KTN1: variants seen among roughly 807,000 people sequenced by gnomAD.
KTN1 encodes kinectin 1, also known as kinectin.
In KTN1, 130 loss-of-function variants were observed where a neutral mutation model predicts 222.5. The ratio of observed to expected loss-of-function variants is 0.58; its 90% CI spans 0.51 to 0.68. The LOEUF is 0.68. Among genes scored for constraint, KTN1 ranks in the 30% least tolerant of loss-of-function variants. KTN1 has a pLI of 0.00. For missense variants in KTN1, 1,508 were observed against 1,500.4 expected (o/e 1.01, Z -0.08); for synonymous variants, 512 against 496.3 (o/e 1.03, Z -0.42).
Position 55,653,011 on chromosome 14 carries a change from T to C in KTN1, c.2695-6T>C. 1.3e-6 allele frequency: 2 copies of C among 1,599,704 alleles called. No individual in the cohort carries two copies. The highest frequency in any genetic ancestry group is 8.6e-7 in the Non-Finnish European group (1 of 1,168,600). ...ATCAATTTAATTTACACCTATTCTT[T>C]TTAAGGATCTTCAAGAAGAAAATGA... is the stretch of plus-strand genomic sequence containing the variant. On this transcript the variant is annotated splice_region_variant and splice_polypyrimidine_tract_variant and intron_variant, in intron 26 of 43. Transcript: ENST00000395314.
chr14:55,640,896 G>T, intron 15 of KTN1, 37 bp from the exon 16 acceptor site: 2 of 1,583,204 alleles, frequency 1.3e-6, no homozygotes, highest in Non-Finnish European at 1.7e-6. Flanking sequence ...AGCACTTCCT[G>T]TGAAGTGATA....
rs575646665 is a variant in KTN1 at position 55,608,624 on chromosome 14, C to CT, written c.-30-3378dup. Among the ~76,000 whole-genome samples, 1,141 of 138,958 alleles carry CT rather than the reference C, an allele frequency of 8.2e-3. 7 individuals carry two copies. The highest frequency in any genetic ancestry group is 0.018 in the Middle Eastern group (5 of 276). 91.2% of individuals were successfully genotyped at this position (138,958 alleles called of 152,430 possible). On this transcript the variant is annotated intron_variant, in intron 1 of 43. Transcript: ENST00000395314. ...AGTTTTTATGTAATATTGCTGTGAA[C>CT]TTTTTTTTTTTTTTTTTGAGACAGA...
At position 55,640,425 on chromosome 14, in the gene KTN1, G is replaced by C. The variant is rs374085889; in HGVS notation, c.1966G>C (p.Ala656Pro). 39 of 1,607,260 alleles carry C rather than the reference G, an allele frequency of 2.4e-5. No homozygotes were observed. Among genetic ancestry groups the C allele is most frequent in the Admixed American group, 5.1e-5 (3 of 59,078 alleles). Residue 656 changes from alanine (A) to proline (P), a missense_variant, in exon 15 of 44, where the codon GCC (alanine) becomes CCC (proline). Ala to Pro is a conservative substitution (Grantham distance 27). Transcript: ENST00000395314. ...LLKAEVQKLQ[A>P]LANEQAAAAH... ...AAAAGCTGAAGTGCAGAAATTACAGGCCCTGGCAAATGAGCAGGTAGATCT... is the reference window on the plus strand; with the variant it reads ...AAAAGCTGAAGTGCAGAAATTACAGCCCCTGGCAAATGAGCAGGTAGATCT...
At chr14:55,651,563 CTGAT>C in intron 24 of KTN1, 1 of 368,112 alleles carries the variant, frequency 2.7e-6, no homozygotes, top group East Asian at 6.3e-5. Flanking sequence ...GTGTTTACAA[CTGAT>C]TGATCACAAC....
At chr14:55,681,003 A>G (rs1427769797) in intron 43 of KTN1, 6 of 270,268 alleles carry the variant, frequency 2.2e-5, no homozygotes, top group Non-Finnish European at 2.9e-5. Context: ...TCTTGAAAAC[A>G]TGCTCAGATG....
rs996755148 is a variant in KTN1, at chr14:55,652,889, T to C, written c.2643T>C (p.Ala881=). Residue 881 remains alanine, a synonymous_variant, in exon 26 of 44, where the codon GCT becomes GCC. Coordinates refer to ENST00000395314, the MANE Select transcript of KTN1 (RefSeq NM_001079521.2). ...GKEEQMNTMK[A]VLEEKEKDLA... is the part of the protein sequence containing the mutation. ...AGGAACAGATGAATACCATGAAGGC[T>C]GTTTTGGAAGAGAAAGAGAAAGACC... 4 of 1,610,798 alleles carry C rather than the reference T, an allele frequency of 2.5e-6. No homozygotes were observed. Among genetic ancestry groups the C allele is most frequent in the Non-Finnish European group, 3.4e-6 (4 of 1,177,870 alleles).
chr14:55,580,935 G>C (rs1362547687), intron 1 of KTN1, among the ~76,000 whole-genome samples: 4 of 152,370 alleles, frequency 2.6e-5, no homozygotes, highest in South Asian at 2.1e-4. Context: ...CCCTTTGCGA[G>C]TCCCCAGGTC....
chr14:55,656,196 T>C, intron 29 of KTN1, 64 bp downstream of exon 29: 6 of 1,138,958 alleles, frequency 5.3e-6, no homozygotes, highest in Non-Finnish European at 7.7e-6. Context: ...TTTAAAATAA[T>C]TTTTAACTGC....
rs2043108759 is a variant in KTN1, at chr14:55,653,074, A to T, written c.2752A>T (p.Asn918Tyr). The change falls in exon 27 of 44, where the codon AAC becomes TAC. Residue 918 changes from asparagine (N) to tyrosine (Y), a missense_variant. Coordinates refer to ENST00000395314, the MANE Select transcript of KTN1 (RefSeq NM_001079521.2). ...KAHVQEVAQH[N>Y]LKEASSASQF... ...ACATGTTCAGGAAGTAGCACAACAT[A>T]ACTTGAAAGAGGTATAGTATAAACA... 5 of 1,587,926 alleles carry T rather than the reference A, an allele frequency of 3.1e-6. No individual in the cohort carries two copies. Among genetic ancestry groups the T allele is most frequent in the Middle Eastern group, 1.7e-4 (1 of 5,958 alleles).
Position 55,619,060 on chromosome 14 carries a change from A to G in KTN1, c.833-122A>G, listed in dbSNP as rs903135994. ...TTGTTTTATTTAACCTGAAGTATAT[A>G]TCTGTTTTCTTTCGGTTATTGACTT... On this transcript the variant is annotated intron_variant, in intron 4 of 43. Transcript: ENST00000395314. The G allele has an allele frequency of 1.1e-5, 8 of 697,824 alleles. No homozygotes were observed. In the South Asian group the frequency reaches 1.3e-4, roughly 12 times the overall value. 43.2% of individuals were successfully genotyped at this position (697,824 alleles called of 1,614,324 possible).
chr14:55,652,544 G>A (rs1017520583), intron 25 of KTN1, among the ~76,000 whole-genome samples: 11 of 151,860 alleles, frequency 7.2e-5, no homozygotes, highest in South Asian at 2.1e-4. Context: ...GACTACAGGC[G>A]CGTACCACCA....
At chr14:55,625,450 C>T (rs1412314466) in intron 5 of KTN1, among the ~76,000 whole-genome samples, 1 of 152,064 alleles carries the variant, frequency 6.6e-6, no homozygotes, top group Non-Finnish European at 1.5e-5. Context: ...AAATTTTTTT[C>T]CTAGCTTCTT....
At position 55,670,797 on chromosome 14, in the gene KTN1, A is replaced by T. The variant is rs750443029; in HGVS notation, c.3336A>T (p.Ser1112=). ...AATGTATGGCTGGAACTTCAGGGTC[A>T]GAGGAGGTTAAGGTTAGTTCAGCAA... is the stretch of plus-strand genomic sequence containing the variant. ...AKECMAGTSG[S]EEVKVLEHKL... is the part of the protein sequence containing the mutation. Residue 1112 remains serine (S), a synonymous_variant, in exon 35 of 44, where the codon TCA becomes TCT. Coordinates refer to ENST00000395314, the MANE Select transcript of KTN1 (RefSeq NM_001079521.2). 1.9e-6 allele frequency: 3 copies of T among 1,607,786 alleles called. No individual in the cohort carries two copies. The highest frequency in any genetic ancestry group is 2.2e-5 in the South Asian group (2 of 90,610).
rs143910806 is a variant in KTN1, at chr14:55,662,816, A to G, written c.3091-1139A>G. 8.0e-4 allele frequency: 363 copies of G among 455,000 alleles called. 2 individuals carry two copies. The East Asian group carries it at 8.6e-3, about 11-fold the overall frequency. The allele number at this position is 455,000 out of a possible 1,614,324, so 28.2% of individuals were successfully genotyped here. ...TCTGTGTTGGTATAACAGTACTAACAGCATTGCTTAGCCACAAAACTTGAG... is the reference window on the plus strand; with the variant it reads ...TCTGTGTTGGTATAACAGTACTAACGGCATTGCTTAGCCACAAAACTTGAG... On this transcript the variant is annotated intron_variant, in intron 32 of 43. Coordinates refer to ENST00000395314, the MANE Select transcript of KTN1 (RefSeq NM_001079521.2).
At chr14:55,661,878 T>A in intron 32 of KTN1, 1 of 239,384 alleles carries the variant, frequency 4.2e-6, no homozygotes, top group Non-Finnish European at 7.9e-6. Context: ...TTTAAAAAGC[T>A]AAAAATGCAA....
chr14:55,637,657 T>G (rs1010546750), intron 11 of KTN1, 122 bp from the exon 12 acceptor site: 1 of 701,916 alleles, frequency 1.4e-6, no homozygotes, highest in African/African-American at 1.8e-5. Context: ...TTTTGGAATC[T>G]AAGAATGCCT....
intron 41 of KTN1, among the ~76,000 whole-genome samples, chr14:55,676,679 T>A (rs1254607485): frequency 1.3e-5 from 2 of 152,122 alleles, no homozygotes; most frequent in Non-Finnish European, 2.9e-5. Context: ...TTAGATACTG[T>A]CTAACATTTA....
At position 55,640,016 on chromosome 14, in the gene KTN1, G is replaced by T. The variant is rs746760989; in HGVS notation, c.1914+13G>T. On this transcript the variant is annotated intron_variant, in intron 14 of 43. Transcript: ENST00000395314. ...AGAGGAACTTAAGGTATAGTAATTT[G>T]TATAAATGGCTGCAATATTTTACAG... The T allele has an allele frequency of 7.0e-7, 1 of 1,436,004 alleles. No homozygotes were observed. The highest frequency in any genetic ancestry group is 1.7e-5 in the Admixed American group (1 of 58,268). The allele number at this position is 1,436,004 out of a possible 1,614,324, so 89.0% of individuals were successfully genotyped here.
In KTN1 at chr14:55,611,023, C is replaced by G. The variant is rs570697579; in HGVS notation, c.-30-996C>G. Among the ~76,000 whole-genome samples, 14 of 152,328 alleles carry G rather than the reference C, an allele frequency of 9.2e-5. No individual in the cohort carries two copies. In the South Asian group the frequency reaches 1.4e-3, roughly 16 times the overall value. On this transcript the variant is annotated intron_variant, in intron 1 of 43. Coordinates refer to ENST00000395314, the MANE Select transcript of KTN1 (RefSeq NM_001079521.2). ...TGGCAGCCTCGCTTTTGCTGTATAA[C>G]TTGTTTTGTGCAGTATGGGGTGCCT... is the stretch of plus-strand genomic sequence containing the variant.
Sources: gnomAD v4.1 joint callset for allele counts (sites outside exome capture counted in the v4.1 genomes callset) on GRCh38, gnomAD v4.1.1 for gene constraint, MANE v1.5 for transcripts, NCBI Gene and HGNC (gene_info 2026-07-23, HGNC 2026-07-21) for gene names.